The following PCDH15 variants were observed in gnomAD, a reference collection of about 807,000 sequenced individuals.
PCDH15 encodes protocadherin-15.
In PCDH15, 129 loss-of-function variants were observed where a neutral mutation model predicts 178.5. The observed-to-expected ratio is 0.72, with a 90% CI of 0.63 to 0.84. The LOEUF (loss-of-function observed/expected upper bound fraction) is 0.84. PCDH15 is among the 40% of genes least tolerant of loss of function. The pLI is 0.00. For missense variants in PCDH15, 2,230 were observed against 2,099.9 expected (o/e 1.06, Z -1.21); for synonymous variants, 800 against 732.0 (o/e 1.09, Z -1.50).
At position 55,620,515 on chromosome 10, in the gene PCDH15, T is replaced by C. The variant is rs144375434; in HGVS notation, c.-156+7110A>G. Among the ~76,000 whole-genome samples the C allele has an allele frequency of 9.9e-3, 1,507 of 152,124 alleles. 32 individuals are homozygous for C. The highest frequency in any genetic ancestry group is 0.035 in the African/African-American group (1,442 of 41,550). On this transcript the variant is annotated intron_variant, in intron 2 of 5. Coordinates refer to the PCDH15 transcript ENST00000613346. ...TAAAGAGAGCAAATCATAATGCCCA[T>C]TGATTATAATGTCACATTTTAGTTA...
chr10:55,267,059 TGAG>T (rs1423195077), intron 1 of PCDH15, among the ~76,000 whole-genome samples: 2 of 150,466 alleles, frequency 1.3e-5, no homozygotes, highest in African/African-American at 2.5e-5. Flanking sequence ...GCATGCACTG[TGAG>T]GAGGACAGAG....
At chr10:53,891,001 G>A (rs904070161) in intron 26 of PCDH15, among the ~76,000 whole-genome samples, 14 of 152,118 alleles carry the variant, frequency 9.2e-5, no homozygotes, top group Admixed American at 3.9e-4. Flanking sequence ...GTACTTTACC[G>A]TTCTTATTGG....
At chr10:55,120,149 G>T (rs1040560905) in intron 2 of PCDH15, among the ~76,000 whole-genome samples, 1 of 152,072 alleles carries the variant, frequency 6.6e-6, no homozygotes, top group African/African-American at 2.4e-5. Context: ...TTCCACTCCA[G>T]TTGTGGAGGT....
At chr10:54,617,217 A>G (rs891387710) in intron 2 of PCDH15, among the ~76,000 whole-genome samples, 12 of 152,108 alleles carry the variant, frequency 7.9e-5, no homozygotes, top group Non-Finnish European at 1.6e-4. Context: ...TATTTGGTAA[A>G]CATCACCAGG....
At chr10:54,788,651 C>T (rs899281741) in intron 1 of PCDH15, among the ~76,000 whole-genome samples, 4 of 151,560 alleles carry the variant, frequency 2.6e-5, no homozygotes, top group Non-Finnish European at 5.9e-5. Context: ...TAATTATAAA[C>T]AAAAAATAAA....
chr10:54,974,021 CCT>C (rs1034122401), intron 2 of PCDH15, among the ~76,000 whole-genome samples: 91 of 148,040 alleles, frequency 6.1e-4, no homozygotes, highest in African/African-American at 2.0e-3. Flanking sequence ...TCATACTAGC[CCT>C]CTCTCTCTCT....
intron 2 of PCDH15, among the ~76,000 whole-genome samples, chr10:55,447,419 G>A (rs1691781200): frequency 1.3e-5 from 2 of 152,008 alleles, no homozygotes; most frequent in South Asian, 4.1e-4. Context: ...TCCCAGGGAT[G>A]CTTCCTTAAT....
intron 2 of PCDH15, among the ~76,000 whole-genome samples, chr10:55,364,580 TCA>T (rs1435179389): frequency 6.6e-6 from 1 of 152,198 alleles, no homozygotes; most frequent in East Asian, 1.9e-4. Context: ...TGTTTGGTTT[TCA>T]CAGAGGCACA....
chr10:54,085,061 A>G (rs1031126815), intron 16 of PCDH15, among the ~76,000 whole-genome samples: 1 of 152,188 alleles, frequency 6.6e-6, no homozygotes, highest in African/African-American at 2.4e-5. Flanking sequence ...TGGTGGCATG[A>G]ACTAAGGTAG....
At chr10:54,083,504 G>A (rs950376037) in intron 16 of PCDH15, among the ~76,000 whole-genome samples, 4 of 152,140 alleles carry the variant, frequency 2.6e-5, no homozygotes, top group Admixed American at 6.6e-5. Flanking sequence ...GAAACATTAG[G>A]CTACAAAAAA....
At chr10:54,576,150 TCTAC>T (rs2090460283) in intron 2 of PCDH15, among the ~76,000 whole-genome samples, 1 of 111,994 alleles carries the variant, frequency 8.9e-6, no homozygotes, top group Non-Finnish European at 1.9e-5. Context: ...TATCTATCTA[TCTAC>T]CTACCTATCT....
At chr10:54,462,512 C>CTTTTTTTTTTT (rs562731025) in intron 3 of PCDH15, among the ~76,000 whole-genome samples, 111 of 66,884 alleles carry the variant, frequency 1.7e-3, no homozygotes, top group South Asian at 2.4e-3. Flanking sequence ...TTTTTCTTTT[C>CTTTTTTTTTTT]TTTTTTTTTT....
chr10:55,515,435 G>C (rs1840989944), intron 2 of PCDH15, among the ~76,000 whole-genome samples: 1 of 152,090 alleles, frequency 6.6e-6, no homozygotes. Flanking sequence ...ATTGAATGCA[G>C]AAGCAGATGT....
intron 1 of PCDH15, among the ~76,000 whole-genome samples, chr10:55,216,520 G>A (rs1359047389): frequency 6.6e-6 from 1 of 151,724 alleles, no homozygotes; most frequent in African/African-American, 2.4e-5. Context: ...AAGTTCTGGT[G>A]TTCCATAGCA....
At chr10:54,450,130 A>AATATATATATATATATATATATATATAT (rs10526141) in intron 3 of PCDH15, among the ~76,000 whole-genome samples, 2 of 137,224 alleles carry the variant, frequency 1.5e-5, no homozygotes, top group Admixed American at 7.3e-5. Flanking sequence ...CTTTTTTATA[A>AATATATATATATATATATATATATATAT]ATATATATAT....
intron 26 of PCDH15, among the ~76,000 whole-genome samples, chr10:53,872,004 G>A (rs2079902463): frequency 6.6e-6 from 1 of 152,072 alleles, no homozygotes; most frequent in South Asian, 2.1e-4. Context: ...AATTAGCCAG[G>A]CATGGCTTCC....
At chr10:55,590,919 A>T (rs1460306817) in intron 2 of PCDH15, among the ~76,000 whole-genome samples, 4 of 152,184 alleles carry the variant, frequency 2.6e-5, no homozygotes, top group Non-Finnish European at 5.9e-5. Flanking sequence ...GAGAATTATC[A>T]ATGTTAATGT....
chr10:55,078,388 T>C (rs1174927610), intron 2 of PCDH15, among the ~76,000 whole-genome samples: 1 of 152,200 alleles, frequency 6.6e-6, no homozygotes, highest in Non-Finnish European at 1.5e-5. Context: ...AGTTTTCATC[T>C]ATTATTCATC....
intron 2 of PCDH15, among the ~76,000 whole-genome samples, chr10:54,534,169 A>C (rs1344382031): frequency 6.6e-6 from 1 of 152,184 alleles, no homozygotes; most frequent in Non-Finnish European, 1.5e-5. Flanking sequence ...TATTCGAATA[A>C]AATGTTTTTT....
Sources: allele counts gnomAD v4.1 joint callset (sites outside exome capture counted in the v4.1 genomes callset), GRCh38; gene constraint gnomAD v4.1.1; transcripts MANE v1.5; gene names NCBI Gene and HGNC (gene_info 2026-07-23, HGNC 2026-07-21).